Variants in PPP2R1B observed in about 807,000 individuals in gnomAD.
PPP2R1B encodes the protein protein phosphatase 2 scaffold subunit Abeta.
PPP2R1B carries 58 observed loss-of-function variants against 72.7 expected under a neutral mutation model. The ratio of observed to expected loss-of-function variants is 0.80; its 90% CI spans 0.65 to 0.99. PPP2R1B has a LOEUF of 0.99. PPP2R1B is among the 50% of genes least tolerant of loss of function. PPP2R1B has a pLI of 0.00. For missense variants in PPP2R1B, 695 were observed against 733.6 expected (o/e 0.95, Z 0.61); for synonymous variants, 256 against 264.6 (o/e 0.97, Z 0.32).
the PPP2R1B span, among the ~76,000 whole-genome samples, chr11:111,715,698 G>T: frequency 6.6e-6 from 1 of 151,494 alleles, no homozygotes; most frequent in Non-Finnish European, 1.5e-5. Flanking sequence ...GAGGGCAGAT[G>T]CATAAACCTT....
chr11:111,717,110 C>T, the PPP2R1B span, among the ~76,000 whole-genome samples: 1 of 151,622 alleles, frequency 6.6e-6, no homozygotes, highest in African/African-American at 2.4e-5. Context: ...GTCAGGAGAT[C>T]GAGACCATCC....
intron 3 of PPP2R1B, chr11:111,761,391 A>T (rs1555051417): frequency 2.6e-6 from 1 of 390,604 alleles, no homozygotes; most frequent in Non-Finnish European, 5.0e-6. Flanking sequence ...AGACAGGATC[A>T]TGTATATTTC....
At chr11:111,747,833 C>A in intron 11 of PPP2R1B, 121 bp downstream of exon 11, 6 of 805,846 alleles carry the variant, frequency 7.4e-6, no homozygotes, top group Non-Finnish European at 1.1e-5. Context: ...TAATTAGAGC[C>A]TTTCTTCATT....
chr11:111,760,968 C>G lies in PPP2R1B; in HGVS notation c.390G>C (p.Glu130Asp), dbSNP rs1945303324. 1.9e-6 allele frequency: 3 copies of G among 1,614,242 alleles called. No homozygotes were observed. Among genetic ancestry groups the G allele is most frequent in the Non-Finnish European group, 2.5e-6 (3 of 1,180,050 alleles). Residue 130 changes from glutamate to aspartate, a missense_variant, in exon 4 of 15, where the codon GAG (glutamate) becomes GAC (aspartate). Glu to Asp is a conservative substitution (Grantham distance 45). Coordinates refer to ENST00000527614, the MANE Select transcript of PPP2R1B (RefSeq NM_002716.5). ...AVESLRQISQ[E>D]HTPVALEAYF... Reference sequence around the variant, plus strand: ...AAGCTTCCAGAGCAACAGGAGTATGCTCCTGGGAGATCTGTCTCAGGGACT... The same window carrying G: ...AAGCTTCCAGAGCAACAGGAGTATGGTCCTGGGAGATCTGTCTCAGGGACT...
downstream of PPP2R1B, chr11:111,723,581 C>G (rs375312233): frequency 6.8e-6 from 11 of 1,614,230 alleles, no homozygotes; most frequent in African/African-American, 1.5e-4. Context: ...GAGCTCCTAC[C>G]CACAGCCAAG....
chr11:111,764,664 T>C (rs955853900), intron 3 of PPP2R1B, 141 bp downstream of exon 3: 19 of 815,110 alleles, frequency 2.3e-5, no homozygotes, highest in Non-Finnish European at 3.6e-5. Flanking sequence ...ACAGTACTTA[T>C]TCTCTCAATG....
In PPP2R1B at chr11:111,738,573, G is replaced by A; in HGVS notation, c.*3023C>T. On this transcript the variant is annotated 3_prime_UTR_variant, in exon 15 of 15. Coordinates refer to ENST00000527614, the MANE Select transcript of PPP2R1B (RefSeq NM_002716.5). ...CAAAGGTCAGGCTGCCGTCTCTGTT[G>A]AGTCAGGACAAGTTGTCTGGCAAAG... 1.0e-6 allele frequency: 1 copy of A among 985,480 alleles called. No individual in the cohort carries two copies. 61.0% of individuals were successfully genotyped at this position (985,480 alleles called of 1,614,324 possible).
chr11:111,723,382 AC>A (rs1404442839), downstream of PPP2R1B: 7 of 1,175,038 alleles, frequency 6.0e-6, no homozygotes, highest in East Asian at 7.2e-5. Context: ...GTTTTTGCTG[AC>A]ATGAGAGAGA....
chr11:111,724,522 G>A (rs1203328959), downstream of PPP2R1B: 1 of 182,822 alleles, frequency 5.5e-6, no homozygotes, highest in Non-Finnish European at 1.1e-5. Context: ...CATATATATG[G>A]GGGAAAAGGC....
chr11:111,695,500 G>A, the PPP2R1B span, among the ~76,000 whole-genome samples: 1 of 152,186 alleles, frequency 6.6e-6, no homozygotes, highest in Non-Finnish European at 1.5e-5. Flanking sequence ...TATTTAGCAA[G>A]TGTAATCTTT....
chr11:111,704,127 A>G, the PPP2R1B span, among the ~76,000 whole-genome samples: 2 of 152,294 alleles, frequency 1.3e-5, no homozygotes, highest in Non-Finnish European at 2.9e-5. Context: ...TTCCCCCGCC[A>G]CGTAGCCATA....
intron 10 of PPP2R1B, among the ~76,000 whole-genome samples, chr11:111,750,445 C>G (rs1293034705): frequency 6.6e-6 from 1 of 152,106 alleles, no homozygotes; most frequent in African/African-American, 2.4e-5. Context: ...GCCATGAGTT[C>G]AAGACCAGCC....
the PPP2R1B span, among the ~76,000 whole-genome samples, chr11:111,705,786 A>G: frequency 2.6e-5 from 4 of 152,238 alleles, no homozygotes; most frequent in South Asian, 2.1e-4. The surrounding 1 kb of genome is among the most constrained non-coding windows in gnomAD (Gnocchi z 4.3). Flanking sequence ...ATAAAATTCT[A>G]TCGATGCTTT....
At chr11:111,727,089 G>A in intron 15 of PPP2R1B, 1 of 1,590,126 alleles carries the variant, frequency 6.3e-7, no homozygotes, top group East Asian at 2.2e-5. Flanking sequence ...AGCCCGACAG[G>A]AAGAGGGGGC....
chr11:111,693,248 C>T, the PPP2R1B span, among the ~76,000 whole-genome samples: 4 of 152,004 alleles, frequency 2.6e-5, no homozygotes, highest in South Asian at 4.1e-4. Context: ...AGGAGAGAAT[C>T]GCTTGAACCA....
chr11:111,753,645 G>A, intron 8 of PPP2R1B, 68 bp from the exon 9 acceptor site: 3 of 1,496,446 alleles, frequency 2.0e-6, no homozygotes, highest in South Asian at 2.5e-5. Context: ...ATTATTCTGG[G>A]AAACAGAGTC....
intron 9 of PPP2R1B, among the ~76,000 whole-genome samples, chr11:111,752,942 G>A (rs1944964614): frequency 6.6e-6 from 1 of 150,864 alleles, no homozygotes; most frequent in East Asian, 1.9e-4. Flanking sequence ...CAGCCTGGGC[G>A]ACAGAGCAAG....
downstream of PPP2R1B, chr11:111,723,754 G>A: frequency 6.2e-7 from 1 of 1,614,046 alleles, no homozygotes; most frequent in Non-Finnish European, 8.5e-7. Context: ...TTCAGCCCCT[G>A]CCCTCCACTT....
rs148901610 is a variant in PPP2R1B at position 111,760,963 on chromosome 11, G to C, written c.395C>G (p.Thr132Ser). The C allele has an allele frequency of 6.2e-6, 10 of 1,614,228 alleles. No individual in the cohort carries two copies. ...AAAATAAGCTTCCAGAGCAACAGGAGTATGCTCCTGGGAGATCTGTCTCAG... is the reference window on the plus strand; with the variant it reads ...AAAATAAGCTTCCAGAGCAACAGGACTATGCTCCTGGGAGATCTGTCTCAG... ...ESLRQISQEH[T>S]PVALEAYFVP... Residue 132 changes from threonine to serine, a missense_variant, in exon 4 of 15, where the codon ACT becomes AGT. By Grantham distance (58) the Thr-to-Ser change is moderately conservative (BLOSUM62 1). Coordinates refer to ENST00000527614, the MANE Select transcript of PPP2R1B (RefSeq NM_002716.5).
Sources: allele counts gnomAD v4.1 joint callset (sites outside exome capture counted in the v4.1 genomes callset), GRCh38; gene constraint gnomAD v4.1.1; non-coding constraint Gnocchi (gnomAD v3.1); transcripts MANE v1.5; gene names NCBI Gene and HGNC (gene_info 2026-07-23, HGNC 2026-07-21).